RGS17: variants seen among roughly 807,000 people sequenced by gnomAD.
RGS17 encodes the protein regulator of G protein signaling 17, also known as regulator of G-protein signaling 17.
Under a neutral mutation model 25.5 loss-of-function variants are expected in RGS17, and 12 were observed. The ratio of observed to expected loss-of-function variants is 0.47; its 90% confidence interval spans 0.30 to 0.76. The LOEUF (loss-of-function observed/expected upper bound fraction) is 0.76, where lower values mean the gene tolerates loss of function less well. Ranked by LOEUF, RGS17 falls within the 30% of genes least tolerant of loss-of-function variation. RGS17 has a pLI of 0.07. For missense variants in RGS17, 196 were observed against 242.2 expected (o/e 0.81, Z 1.27); for synonymous variants, 71 against 76.9 (o/e 0.92, Z 0.40).
chr6:153,103,300 T>C (rs1447815083), intron 1 of RGS17, among the ~76,000 whole-genome samples: 2 of 152,166 alleles, frequency 1.3e-5, no homozygotes, highest in Admixed American at 1.3e-4. Flanking sequence ...GAAGTAACTT[T>C]TTATTCCCTT....
intron 4 of RGS17, among the ~76,000 whole-genome samples, chr6:153,020,582 T>C (rs1004950370): frequency 2.0e-5 from 3 of 152,190 alleles, no homozygotes; most frequent in African/African-American, 7.2e-5. Context: ...TATCTATATA[T>C]AAATGATTTT....
chr6:153,053,533 C>T (rs558320350), intron 1 of RGS17, among the ~76,000 whole-genome samples: 77 of 152,246 alleles, frequency 5.1e-4, no homozygotes, highest in African/African-American at 1.8e-3. Context: ...AGCACGGTGG[C>T]TCATATCTGT....
intron 2 of RGS17, among the ~76,000 whole-genome samples, chr6:153,032,575 A>G (rs1776166310): frequency 6.1e-5 from 1 of 16,448 alleles, no homozygotes; most frequent in South Asian, 2.0e-3. Context: ...CCCTTATTTG[A>G]AAAAAAAAAA....
intron 1 of RGS17, among the ~76,000 whole-genome samples, chr6:153,065,385 GA>G (rs1440412131): frequency 2.0e-5 from 3 of 152,272 alleles, no homozygotes; most frequent in Non-Finnish European, 4.4e-5. Context: ...TTCAGCATTG[GA>G]TAAGTCTTCC....
At chr6:153,108,634 A>C (rs1777420217) in intron 1 of RGS17, among the ~76,000 whole-genome samples, 1 of 151,234 alleles carries the variant, frequency 6.6e-6, no homozygotes, top group South Asian at 2.1e-4. Flanking sequence ...TGCAATTAAT[A>C]CATTTGTAGT....
chr6:153,030,776 C>T (rs1292807706), intron 2 of RGS17, among the ~76,000 whole-genome samples: 1 of 152,124 alleles, frequency 6.6e-6, no homozygotes, highest in Admixed American at 6.5e-5. Context: ...GTTCATGCAA[C>T]ATTCCCTGGT....
intron 1 of RGS17, among the ~76,000 whole-genome samples, chr6:153,056,519 G>A (rs1177397810): frequency 6.6e-6 from 1 of 151,084 alleles, no homozygotes; most frequent in East Asian, 2.1e-4. Flanking sequence ...AGAGCCTCAA[G>A]CCAAGCATTC....
chr6:153,017,767 T>TA (rs2129106022), intron 4 of RGS17, among the ~76,000 whole-genome samples: 1 of 152,358 alleles, frequency 6.6e-6, no homozygotes, highest in South Asian at 2.1e-4. Context: ...CTCTTATTTT[T>TA]ACTGTTACTG....
Position 153,073,733 on chromosome 6 carries a change from TC to T in RGS17, c.-25-29691del, listed in dbSNP as rs777561921. Reference sequence around the variant, plus strand: ...AGGTGACTGTGCAGGAAACAAATATTCCCAGCCACTCCATCCTCCCTTTCAT... The same window carrying T: ...AGGTGACTGTGCAGGAAACAAATATTCCAGCCACTCCATCCTCCCTTTCAT... On this transcript the variant is annotated intron_variant, in intron 1 of 4. Coordinates refer to ENST00000206262, the MANE Select transcript of RGS17 (RefSeq NM_012419.5). Among the ~76,000 whole-genome samples, 140 of 152,110 alleles carry T rather than the reference TC, an allele frequency of 9.2e-4. 8 individuals are homozygous for T. The highest frequency in any genetic ancestry group is 2.2e-3 in the Admixed American group (34 of 15,278).
At chr6:153,084,813 G>T (rs1306521669) in intron 1 of RGS17, among the ~76,000 whole-genome samples, 1 of 152,156 alleles carries the variant, frequency 6.6e-6, no homozygotes, top group Non-Finnish European at 1.5e-5. Context: ...CTTAAGTGGT[G>T]CAAGAACAAG....
At chr6:153,073,244 T>A (rs1776832185) in intron 1 of RGS17, among the ~76,000 whole-genome samples, 1 of 152,206 alleles carries the variant, frequency 6.6e-6, no homozygotes, top group Non-Finnish European at 1.5e-5. Context: ...ATCATCCTGC[T>A]CTGCTCCATT....
intron 1 of RGS17, among the ~76,000 whole-genome samples, chr6:153,057,294 T>G (rs776853076): frequency 2.0e-5 from 3 of 152,080 alleles, no homozygotes; most frequent in African/African-American, 4.8e-5. Flanking sequence ...TAAGATCAAT[T>G]TTGGAAAATT....
intron 1 of RGS17, among the ~76,000 whole-genome samples, chr6:153,119,798 T>C (rs1562339357): frequency 6.6e-6 from 1 of 152,346 alleles, no homozygotes; most frequent in African/African-American, 2.4e-5. Context: ...CTAAGACACA[T>C]TGAATATGAA....
chr6:153,048,180 T>C (rs983898513), intron 1 of RGS17, among the ~76,000 whole-genome samples: 1 of 152,232 alleles, frequency 6.6e-6, no homozygotes, highest in African/African-American at 2.4e-5. Context: ...TAATCTGCCC[T>C]CATTATCTTT....
chr6:153,047,834 C>T (rs1776404352), intron 1 of RGS17, among the ~76,000 whole-genome samples: 1 of 152,212 alleles, frequency 6.6e-6, no homozygotes, highest in Non-Finnish European at 1.5e-5. Context: ...GTAGTCCAAA[C>T]TGACTATTTT....
At chr6:153,054,921 C>T (rs959681629) in intron 1 of RGS17, among the ~76,000 whole-genome samples, 34 of 152,148 alleles carry the variant, frequency 2.2e-4, no homozygotes, top group Non-Finnish European at 4.9e-4. Context: ...CTCTAAGTCC[C>T]TGAATACCAG....
chr6:153,072,777 A>G lies in RGS17; in HGVS notation c.-25-28734T>C, dbSNP rs137879684. The stretch of plus-strand genomic sequence containing the variant: ...CTTCCTCCATGGTCTAGGCTTCCAT[A>G]CTTTTCTGTAATAACTTGGAATCAC... On this transcript the variant is annotated intron_variant, in intron 1 of 4. Transcript: ENST00000206262. Among the ~76,000 whole-genome samples the G allele has an allele frequency of 1.2e-4, 18 of 152,278 alleles. No individual in the cohort carries two copies. The East Asian group carries it at 3.5e-3, about 29-fold the overall frequency.
chr6:153,105,539 C>T (rs1009470472), intron 1 of RGS17, among the ~76,000 whole-genome samples: 1 of 152,130 alleles, frequency 6.6e-6, no homozygotes, highest in Non-Finnish European at 1.5e-5. Flanking sequence ...GTGTTCGCTG[C>T]TGGAGAGGCA....
At chr6:153,050,811 T>C (rs1437825943) in intron 1 of RGS17, among the ~76,000 whole-genome samples, 1 of 152,206 alleles carries the variant, frequency 6.6e-6, no homozygotes, top group East Asian at 1.9e-4. Context: ...ACTGAATGTT[T>C]ATGTCCCCCT....
Sources: allele counts gnomAD v4.1 joint callset (sites outside exome capture counted in the v4.1 genomes callset), GRCh38; gene constraint gnomAD v4.1.1; transcripts MANE v1.5; gene names NCBI Gene and HGNC (gene_info 2026-07-23, HGNC 2026-07-21).